The following CSMD1 variants were observed in gnomAD, a reference collection of about 807,000 sequenced individuals.
CSMD1 encodes CUB and sushi domain-containing protein 1.
A neutral mutation model predicts 417.5 loss-of-function variants in CSMD1; 213 were observed. The observed-to-expected ratio is 0.51, with a 90% confidence interval of 0.46 to 0.57. The LOEUF (loss-of-function observed/expected upper bound fraction) is 0.57, where lower values mean the gene tolerates loss of function less well. Among genes scored for constraint, CSMD1 ranks in the 20% least tolerant of loss-of-function variants. The pLI is 0.00. For missense variants in CSMD1, 6,923 were observed against 4,529.7 expected (o/e 1.53, Z -15.17); for synonymous variants, 2,862 against 1,736.8 (o/e 1.65, Z -16.11).
chr8:3,223,273 G>A (rs549054905), intron 28 of CSMD1, among the ~76,000 whole-genome samples: 104 of 152,140 alleles, frequency 6.8e-4, no homozygotes, highest in South Asian at 1.2e-3. Context: ...CCACATTTGG[G>A]GAAACTTTCA....
At chr8:4,130,006 G>C (rs1349014428) in intron 3 of CSMD1, among the ~76,000 whole-genome samples, 1 of 151,856 alleles carries the variant, frequency 6.6e-6, no homozygotes, top group Non-Finnish European at 1.5e-5. Context: ...TGGGAATTTT[G>C]CCTTTCTTGT....
chr8:3,541,874 C>A (rs1212492377), intron 10 of CSMD1, among the ~76,000 whole-genome samples: 1 of 151,960 alleles, frequency 6.6e-6, no homozygotes, highest in South Asian at 2.1e-4. Flanking sequence ...CCAGCCTGGC[C>A]AAAATGGCAA....
intron 6 of CSMD1, among the ~76,000 whole-genome samples, chr8:3,727,273 A>G (rs370030399): frequency 6.6e-6 from 1 of 152,226 alleles, no homozygotes; most frequent in Admixed American, 6.5e-5. Flanking sequence ...GTAATTCTAC[A>G]TACACATACC....
At chr8:4,418,203 A>G (rs139791397) in intron 3 of CSMD1, among the ~76,000 whole-genome samples, 38 of 152,230 alleles carry the variant, frequency 2.5e-4, no homozygotes, top group African/African-American at 8.9e-4. Context: ...TTCAAATCGA[A>G]ATACCACAAA....
chr8:3,338,810 TC>T (rs1197603512), intron 23 of CSMD1, among the ~76,000 whole-genome samples: 4 of 140,808 alleles, frequency 2.8e-5, no homozygotes, highest in South Asian at 2.1e-4. Context: ...CTCCAGCCTT[TC>T]TTTTTTTTTT....
intron 1 of CSMD1, among the ~76,000 whole-genome samples, chr8:4,802,378 T>TGTGTGG (rs1798347865): frequency 6.6e-6 from 1 of 150,878 alleles, no homozygotes; most frequent in African/African-American, 2.5e-5. Flanking sequence ...TGTGTGTGTG[T>TGTGTGG]AGGGATAGTG....
intron 3 of CSMD1, among the ~76,000 whole-genome samples, chr8:4,315,423 C>G (rs1403590359): frequency 2.0e-5 from 3 of 152,020 alleles, no homozygotes; most frequent in Non-Finnish European, 4.4e-5. Flanking sequence ...CCATGTTCAG[C>G]AAATATTTGT....
intron 8 of CSMD1, among the ~76,000 whole-genome samples, chr8:3,595,110 G>A (rs575576261): frequency 4.6e-5 from 7 of 152,160 alleles, no homozygotes; most frequent in Admixed American, 2.6e-4. Context: ...TGTCCTATAA[G>A]GGAGTTTTTA....
At chr8:4,419,843 A>G in intron 3 of CSMD1, 110 bp downstream of exon 3, 2 of 737,080 alleles carry the variant, frequency 2.7e-6, no homozygotes, top group Non-Finnish European at 4.6e-6. Context: ...TGTCTACACC[A>G]CGGAACGACC....
At chr8:3,821,091 T>C (rs769754224) in intron 5 of CSMD1, among the ~76,000 whole-genome samples, 6 of 151,742 alleles carry the variant, frequency 4.0e-5, no homozygotes, top group Non-Finnish European at 8.8e-5. Flanking sequence ...TACTTTTTTG[T>C]ATTTTTAGTA....
At chr8:4,319,943 A>G (rs1262255617) in intron 3 of CSMD1, among the ~76,000 whole-genome samples, 1 of 152,214 alleles carries the variant, frequency 6.6e-6, no homozygotes, top group Non-Finnish European at 1.5e-5. Context: ...GAGCTTGCAC[A>G]AGGCCAATGT....
chr8:3,733,194 C>T, intron 6 of CSMD1, among the ~76,000 whole-genome samples: 1 of 148,438 alleles, frequency 6.7e-6, no homozygotes, highest in South Asian at 2.1e-4. Context: ...CACACACACA[C>T]ACACACACAC....
At chr8:3,171,642 T>G (rs1820590937) in intron 37 of CSMD1, among the ~76,000 whole-genome samples, 1 of 152,148 alleles carries the variant, frequency 6.6e-6, no homozygotes, top group Non-Finnish European at 1.5e-5. Flanking sequence ...AGACATAAAT[T>G]TGGTAGAAAA....
Position 3,406,021 on chromosome 8 carries a change from C to A in CSMD1, c.2266+6G>T. ...GGAGAAGAGCGGGGGGTGGCAGGGA[C>A]TGCACCTTCACAGCGGGGCACGGTG... On this transcript the variant is annotated splice_donor_region_variant and intron_variant, in intron 15 of 69. Coordinates refer to ENST00000635120, the MANE Select transcript of CSMD1 (RefSeq NM_033225.6). 1 of 1,612,784 alleles carries A rather than the reference C, an allele frequency of 6.2e-7. No homozygotes were observed. Among genetic ancestry groups the A allele is most frequent in the Non-Finnish European group, 8.5e-7 (1 of 1,179,276 alleles).
At chr8:3,752,874 T>C (rs946516880) in intron 6 of CSMD1, among the ~76,000 whole-genome samples, 1 of 152,000 alleles carries the variant, frequency 6.6e-6, no homozygotes, top group African/African-American at 2.4e-5. Flanking sequence ...CTACTGGTCA[T>C]CCTGAAGGAA....
chr8:3,533,413 G>C (rs936253942), intron 10 of CSMD1, among the ~76,000 whole-genome samples: 3 of 152,114 alleles, frequency 2.0e-5, no homozygotes, highest in Non-Finnish European at 4.4e-5. Flanking sequence ...CCTGATAACA[G>C]TGGTTTGACT....
At chr8:4,294,336 A>G (rs1797546818) in intron 3 of CSMD1, among the ~76,000 whole-genome samples, 1 of 152,326 alleles carries the variant, frequency 6.6e-6, no homozygotes, top group South Asian at 2.1e-4. Flanking sequence ...ACGGTTTTCA[A>G]AATAAACCCA....
intron 7 of CSMD1, among the ~76,000 whole-genome samples, chr8:3,674,721 G>A (rs1400155670): frequency 6.6e-6 from 1 of 152,106 alleles, no homozygotes; most frequent in Non-Finnish European, 1.5e-5. Context: ...CAGTCTTGCT[G>A]ATTCCAAGTC....
intron 3 of CSMD1, among the ~76,000 whole-genome samples, chr8:4,413,522 T>C (rs1016037539): frequency 4.6e-5 from 7 of 152,250 alleles, no homozygotes; most frequent in East Asian, 1.9e-4. Flanking sequence ...TTTTAGAAAA[T>C]GTTAGTGTTC....
Sources: allele counts gnomAD v4.1 joint callset (sites outside exome capture counted in the v4.1 genomes callset), GRCh38; gene constraint gnomAD v4.1.1; transcripts MANE v1.5; gene names NCBI Gene and HGNC (gene_info 2026-07-23, HGNC 2026-07-21).